The following NKAIN1 variants were observed in gnomAD, a reference collection of about 807,000 sequenced individuals.
The protein encoded by NKAIN1 is sodium/potassium transporting ATPase interacting 1, also known as sodium/potassium-transporting ATPase subunit beta-1-interacting protein 1.
In NKAIN1, 13 loss-of-function variants were observed where a neutral mutation model predicts 31.6. That is an observed-to-expected ratio of 0.41 (90% CI 0.27 to 0.65). The LOEUF (loss-of-function observed/expected upper bound fraction) is 0.65, where lower values mean the gene tolerates loss of function less well. NKAIN1 is among the 30% of genes least tolerant of loss of function. NKAIN1 has a pLI of 0.30. For synonymous variants in NKAIN1, 104 were observed against 109.0 expected (o/e 0.95, Z 0.28); for missense variants, 193 against 262.2 (o/e 0.74, Z 1.82).
intron 1 of NKAIN1, among the ~76,000 whole-genome samples, chr1:31,218,075 T>TCTTTCTC (rs1557660009): frequency 6.7e-6 from 1 of 148,234 alleles, no homozygotes; most frequent in African/African-American, 2.6e-5. Context: ...TTTCTTTTTT[T>TCTTTCTC]TTTTTGAGAT....
chr1:31,184,224 G>A (rs1645225501), intron 3 of NKAIN1, among the ~76,000 whole-genome samples: 1 of 152,114 alleles, frequency 6.6e-6, no homozygotes, highest in Non-Finnish European at 1.5e-5. Flanking sequence ...GACTCACAGG[G>A]GCCTCAGAAT....
In NKAIN1 at chr1:31,185,232, A is replaced by C. The variant is rs1645233467; in HGVS notation, c.273+15T>G. 1 of 1,600,686 alleles carries C rather than the reference A, an allele frequency of 6.2e-7. No homozygotes were observed. The highest frequency in any genetic ancestry group is 2.2e-5 in the East Asian group (1 of 44,610). ...TCAGGCTCTGCCCTATGGCACTGCC[A>C]GGTCTGAGGCTTACCTGGGACAGCT... is the stretch of plus-strand genomic sequence containing the variant. On this transcript the variant is annotated intron_variant, in intron 3 of 6. Transcript: ENST00000373736.
intron 1 of NKAIN1, among the ~76,000 whole-genome samples, chr1:31,209,313 T>C (rs1338258440): frequency 6.6e-6 from 1 of 152,062 alleles, no homozygotes; most frequent in Non-Finnish European, 1.5e-5. Flanking sequence ...AGACGGAGGT[T>C]GCAGTGAGCC....
At chr1:31,196,732 A>G (rs868041363) in intron 1 of NKAIN1, among the ~76,000 whole-genome samples, 110 of 84,766 alleles carry the variant, frequency 1.3e-3, no homozygotes, top group African/African-American at 3.0e-3. Flanking sequence ...AAATAAATAA[A>G]TAAATAAATA....
At chr1:31,193,006 A>G (rs1645297851) in intron 1 of NKAIN1, among the ~76,000 whole-genome samples, 2 of 151,910 alleles carry the variant, frequency 1.3e-5, no homozygotes, top group Non-Finnish European at 2.9e-5. Flanking sequence ...TCTCTATTAA[A>G]AAAAAAAAAA....
intron 1 of NKAIN1, among the ~76,000 whole-genome samples, chr1:31,193,655 C>T (rs761642218): frequency 9.9e-5 from 15 of 151,938 alleles, no homozygotes; most frequent in Non-Finnish European, 2.2e-4. Context: ...GAGATCGTGC[C>T]CTTGCACTCC....
At chr1:31,182,296 G>C (rs1045011804) in intron 5 of NKAIN1, among the ~76,000 whole-genome samples, 1 of 152,160 alleles carries the variant, frequency 6.6e-6, no homozygotes, top group Non-Finnish European at 1.5e-5. Flanking sequence ...TGATGGGGTG[G>C]GGCGAGATTG....
rs3046275 is a variant in NKAIN1, at chr1:31,200,025, G to GCACACA, written c.55-11844_55-11839dup. Among the ~76,000 whole-genome samples the GCACACA allele has an allele frequency of 2.4e-3, 118 of 49,426 alleles. 2 individuals carry two copies. Among genetic ancestry groups the GCACACA allele is most frequent in the African/African-American group, 2.3e-3 (68 of 29,760 alleles). 32.4% of individuals were successfully genotyped at this position (49,426 alleles called of 152,430 possible). A position where few individuals can be genotyped will look rare whatever the true frequency, so the allele number is the denominator to read the frequency against. On this transcript the variant is annotated intron_variant, in intron 1 of 6. Transcript: ENST00000373736. ...CACGCACACACATGCACACACACAC[G>GCACACA]CACACACACACACATGCACACGTGC... is the stretch of plus-strand genomic sequence containing the variant.
chr1:31,225,738 C>A (rs1358439842), intron 1 of NKAIN1, among the ~76,000 whole-genome samples: 1 of 152,182 alleles, frequency 6.6e-6, no homozygotes, highest in African/African-American at 2.4e-5. Context: ...GGGACTCATG[C>A]AGCCAGATAG....
chr1:31,200,457 T>TC (rs958231258), intron 1 of NKAIN1, among the ~76,000 whole-genome samples: 2 of 96,128 alleles, frequency 2.1e-5, no homozygotes, highest in Non-Finnish European at 4.8e-5. Context: ...GTCTCCTCTC[T>TC]CTTTTTTTTT....
intron 1 of NKAIN1, among the ~76,000 whole-genome samples, chr1:31,196,228 A>C (rs552176188): frequency 2.0e-5 from 3 of 152,072 alleles, no homozygotes; most frequent in African/African-American, 4.8e-5. Context: ...AAAATACAAA[A>C]ATTGGCCGGG....
intron 1 of NKAIN1, among the ~76,000 whole-genome samples, chr1:31,193,078 T>A (rs1328831779): frequency 6.6e-6 from 1 of 151,278 alleles, no homozygotes; most frequent in African/African-American, 2.4e-5. Context: ...TTTATTTTTT[T>A]ATTTTTTTGA....
intron 1 of NKAIN1, among the ~76,000 whole-genome samples, chr1:31,228,770 A>T (rs904745999): frequency 2.6e-5 from 4 of 152,056 alleles, no homozygotes; most frequent in Admixed American, 1.3e-4. Context: ...ATTAAAAAAA[A>T]TTTTTTTTAG....
chr1:31,214,458 TA>T (rs199730020), intron 1 of NKAIN1, among the ~76,000 whole-genome samples: 15,282 of 132,654 alleles, frequency 0.12, 1,116 homozygotes, highest in African/African-American at 0.23. Context: ...TCAATAAAGT[TA>T]AAAAAAAAAA....
At chr1:31,226,113 T>C (rs1310677736) in intron 1 of NKAIN1, among the ~76,000 whole-genome samples, 1 of 152,256 alleles carries the variant, frequency 6.6e-6, no homozygotes, top group East Asian at 1.9e-4. Context: ...ATTGCTAACA[T>C]TGCCAACAAC....
chr1:31,230,400 C>A (rs1187803146), intron 1 of NKAIN1, among the ~76,000 whole-genome samples: 1 of 152,236 alleles, frequency 6.6e-6, no homozygotes, highest in African/African-American at 2.4e-5. Flanking sequence ...ACCCCAAAGC[C>A]CGGGTTCTTC....
rs867185562 is a variant in NKAIN1, at chr1:31,182,725, A to G, written c.472-135T>C. 33 of 801,706 alleles carry G rather than the reference A, an allele frequency of 4.1e-5. No individual in the cohort carries two copies. In the African/African-American group the frequency reaches 4.8e-4, roughly 12 times the overall value. The allele number at this position is 801,706 out of a possible 1,614,324, so 49.7% of individuals were successfully genotyped here. A position where few individuals can be genotyped will look rare whatever the true frequency, so the allele number is the denominator to read the frequency against. ...TGAAGGCAAACCGTAACAACTTCCA[A>G]TTAAATGTTTTCACCTTAAAGTCAA... is the stretch of plus-strand genomic sequence containing the variant. On this transcript the variant is annotated intron_variant, in intron 4 of 6. Transcript: ENST00000373736.
intron 1 of NKAIN1, among the ~76,000 whole-genome samples, chr1:31,229,300 G>A (rs1645629444): frequency 6.6e-6 from 1 of 152,184 alleles, no homozygotes; most frequent in Admixed American, 6.5e-5. Context: ...GTGAGCTGGA[G>A]GTGAGTGATG....
chr1:31,182,230 A>T (rs1467724740), intron 5 of NKAIN1, among the ~76,000 whole-genome samples: 2 of 151,718 alleles, frequency 1.3e-5, no homozygotes, highest in Non-Finnish European at 1.5e-5. Flanking sequence ...GGGCAGTCCT[A>T]TGGGAGAGAA....
Sources: allele counts gnomAD v4.1 joint callset (sites outside exome capture counted in the v4.1 genomes callset), GRCh38; gene constraint gnomAD v4.1.1; transcripts MANE v1.5; gene names NCBI Gene and HGNC (gene_info 2026-07-23, HGNC 2026-07-21).